The following FBLN1 variants were observed in gnomAD, a reference collection of about 807,000 sequenced individuals.
FBLN1 encodes fibulin-1.
FBLN1 carries 34 observed loss-of-function variants against 89.7 expected under a neutral mutation model. The observed-to-expected ratio is 0.38, with a 90% CI of 0.29 to 0.50. The LOEUF (loss-of-function observed/expected upper bound fraction) is 0.50. Ranked by LOEUF, FBLN1 falls within the 20% of genes least tolerant of loss-of-function variation. The pLI, the probability that FBLN1 is intolerant of heterozygous loss-of-function variation, is 0.92. For synonymous variants in FBLN1, 393 were observed against 391.3 expected (o/e 1.00, Z -0.05); for missense variants, 777 against 988.1 (o/e 0.79, Z 2.86).
chr22:45,516,146 A>G (rs1907546499), intron 1 of FBLN1, among the ~76,000 whole-genome samples: 1 of 152,114 alleles, frequency 6.6e-6, no homozygotes, highest in South Asian at 2.1e-4. Context: ...GTGACAGGGC[A>G]TGGGAGGTGG....
At position 45,531,258 on chromosome 22, in the gene FBLN1, C is replaced by T. The variant is rs755084707; in HGVS notation, c.485-7C>T. 64 of 1,613,402 alleles carry T rather than the reference C, an allele frequency of 4.0e-5. No homozygotes were observed. The highest frequency in any genetic ancestry group is 4.6e-5 in the Non-Finnish European group (54 of 1,179,552). On this transcript the variant is annotated splice_polypyrimidine_tract_variant and splice_region_variant and intron_variant, in intron 4 of 16. Coordinates refer to ENST00000327858, the MANE Select transcript of FBLN1 (RefSeq NM_006486.3). The surrounding 1 kb of genome is among the most constrained non-coding windows in gnomAD (Gnocchi z 4.9). ...TAAATGTCTGACTTGGTCTTTTTCC[C>T]CCTTAGATAAGATCATTGAGGTTGA...
At chr22:45,512,894 A>T (rs2088120448) in intron 1 of FBLN1, among the ~76,000 whole-genome samples, 1 of 152,144 alleles carries the variant, frequency 6.6e-6, no homozygotes, top group South Asian at 2.1e-4. Flanking sequence ...AAGTGCTAGG[A>T]TCATAGGCTT....
At chr22:45,510,865 C>G (rs989851503) in intron 1 of FBLN1, among the ~76,000 whole-genome samples, 2 of 152,080 alleles carry the variant, frequency 1.3e-5, no homozygotes. Context: ...AGCAGCTGTC[C>G]CAGGCAACAA....
chr22:45,595,317 G>A (rs901131165), intron 16 of FBLN1, among the ~76,000 whole-genome samples: 2 of 152,306 alleles, frequency 1.3e-5, no homozygotes, highest in East Asian at 3.9e-4. Flanking sequence ...AGGAAGGGGT[G>A]CACATTCCTT....
chr22:45,564,946 T>A, intron 14 of FBLN1: 1 of 1,614,038 alleles, frequency 6.2e-7, no homozygotes, highest in East Asian at 2.2e-5. Flanking sequence ...GACTGCAGGG[T>A]TCTTCCATGG....
chr22:45,543,534 TG>T lies in FBLN1; in HGVS notation c.1321+12del, dbSNP rs773192652. The T allele has an allele frequency of 4.3e-6, 7 of 1,612,084 alleles. No homozygotes were observed. In the Admixed American group the frequency reaches 1.2e-4, roughly 27 times the overall value. ...ATGGCAGGTCATGTGAAGGTGAGGC[TG>T]GGGCCCCGTCCACTCACCTCCCCCA... On this transcript the variant is annotated intron_variant, in intron 11 of 16. Transcript: ENST00000327858.
At chr22:45,571,775 A>C (rs1254772070) in intron 14 of FBLN1, among the ~76,000 whole-genome samples, 1 of 152,198 alleles carries the variant, frequency 6.6e-6, no homozygotes, top group Admixed American at 6.5e-5. Context: ...AACAATGACC[A>C]ACCCCCTAGC....
chr22:45,571,002 T>C (rs1232357901), intron 14 of FBLN1, among the ~76,000 whole-genome samples: 3 of 150,904 alleles, frequency 2.0e-5, no homozygotes, highest in African/African-American at 7.3e-5. Flanking sequence ...ACGTCTGTAA[T>C]CTCAGCTGCT....
At position 45,576,252 on chromosome 22, in the gene FBLN1, C is replaced by T. The variant is rs1317232040; in HGVS notation, c.1841-725C>T. On this transcript the variant is annotated intron_variant, in intron 15 of 16. Transcript: ENST00000327858. The surrounding 1 kb of genome is among the most constrained non-coding windows in gnomAD (Gnocchi z 5.2). ...ACCACATACAAATCCTTCCCAAATC[C>T]CCAGTGGCTGGTTTTGTGGCCTCTC... Among the ~76,000 whole-genome samples, 2 of 152,202 alleles carry T rather than the reference C, an allele frequency of 1.3e-5. No homozygotes were observed. Among genetic ancestry groups the T allele is most frequent in the Non-Finnish European group, 2.9e-5 (2 of 68,038 alleles).
chr22:45,558,042 C>T, intron 14 of FBLN1: 1 of 715,858 alleles, frequency 1.4e-6, no homozygotes, highest in Non-Finnish European at 2.6e-6. Context: ...ATCTGTGAAC[C>T]AGGCCCTAGT....
At chr22:45,568,695 C>T (rs1438385841) in intron 14 of FBLN1, among the ~76,000 whole-genome samples, 1 of 55,610 alleles carries the variant, frequency 1.8e-5, no homozygotes, top group Admixed American at 1.7e-4. Context: ...GGGGAATGCT[C>T]CTTCTGTAGG....
rs1436809518 is a variant in FBLN1, at chr22:45,574,800, G to A, written c.1840+147G>A. 6.5e-6 allele frequency: 3 copies of A among 461,054 alleles called. No homozygotes were observed. In the East Asian group the frequency reaches 1.2e-4, roughly 19 times the overall value. The allele number at this position is 461,054 out of a possible 1,614,324, so 28.6% of individuals were successfully genotyped here. A position where few individuals can be genotyped will look rare whatever the true frequency, so the allele number is the denominator to read the frequency against. On this transcript the variant is annotated intron_variant, in intron 15 of 16. Coordinates refer to ENST00000327858, the MANE Select transcript of FBLN1 (RefSeq NM_006486.3). The surrounding 1 kb of genome is among the most constrained non-coding windows in gnomAD (Gnocchi z 4.1). ...TTCTTTTTTTTTTTTTTTTTTTTTT[G>A]AGACGGAGTCTCGCTCTGTCGCCCG...
At chr22:45,565,468 A>G (rs1338081325) in intron 14 of FBLN1, 3 of 378,402 alleles carry the variant, frequency 7.9e-6, no homozygotes, top group African/African-American at 4.2e-5. Flanking sequence ...CTCCTTGCAG[A>G]CTTGGCTCAG....
chr22:45,526,192 G>A (rs865965364), intron 3 of FBLN1, among the ~76,000 whole-genome samples: 1 of 152,198 alleles, frequency 6.6e-6, no homozygotes, highest in Non-Finnish European at 1.5e-5. Context: ...CCTCCAAAAT[G>A]GCCTCTCTGC....
chr22:45,547,251 G>C, intron 12 of FBLN1, 47 bp downstream of exon 12: 4 of 1,609,260 alleles, frequency 2.5e-6, no homozygotes, highest in Non-Finnish European at 3.4e-6. Context: ...CCCTGGTCTT[G>C]CCATGACACA....
chr22:45,565,451 T>C, intron 14 of FBLN1: 1 of 403,706 alleles, frequency 2.5e-6, no homozygotes, highest in Non-Finnish European at 4.4e-6. Flanking sequence ...CCCTGCAGAC[T>C]GCCATTCTCC....
At position 45,532,896 on chromosome 22, in the gene FBLN1, G is replaced by A. The variant is rs2088428205; in HGVS notation, c.545-167G>A. The A allele has an allele frequency of 1.5e-6, 1 of 664,570 alleles. No homozygotes were observed. Among genetic ancestry groups the A allele is most frequent in the Non-Finnish European group, 2.7e-6 (1 of 370,280 alleles). 41.2% of individuals were successfully genotyped at this position (664,570 alleles called of 1,614,324 possible). On this transcript the variant is annotated intron_variant, in intron 5 of 16. Coordinates refer to ENST00000327858, the MANE Select transcript of FBLN1 (RefSeq NM_006486.3). This position sits in a 1 kb window ranked among gnomAD's most constrained non-coding sequence, Gnocchi z 4.2. The stretch of plus-strand genomic sequence containing the variant: ...CCCCTGGGGGGTGTCCAGAGCCAGA[G>A]CCTGGGGGTCTCCCAGTAGGGCAGC...
In FBLN1 at chr22:45,533,829, T is replaced by G; in HGVS notation, c.715T>G (p.Ser239Ala). ...LGESCINTVGSFRCQRDSSCG... is the reference protein window; with the variant it reads ...LGESCINTVGAFRCQRDSSCG... ...AGAATCCTGCATCAACACAGTGGGC[T>G]CTTTCCGCTGCCAGCGGGACAGCAG... is the stretch of plus-strand genomic sequence containing the variant. Residue 239 changes from serine to alanine, a missense_variant, in exon 7 of 17, where the codon TCT becomes GCT. Transcript: ENST00000327858. 6.2e-7 allele frequency: 1 copy of G among 1,614,060 alleles called. No homozygotes were observed. The highest frequency in any genetic ancestry group is 8.5e-7 in the Non-Finnish European group (1 of 1,180,034).
rs184740234 is a variant in FBLN1 at position 45,580,275 on chromosome 22, C to T, written c.1972+3167C>T. Among the ~76,000 whole-genome samples, 1 of 152,262 alleles carries T rather than the reference C, an allele frequency of 6.6e-6. No individual in the cohort carries two copies. Among genetic ancestry groups the T allele is most frequent in the Non-Finnish European group, 1.5e-5 (1 of 68,022 alleles). On this transcript the variant is annotated intron_variant, in intron 16 of 16. Transcript: ENST00000327858. The surrounding 1 kb of genome is among the most constrained non-coding windows in gnomAD (Gnocchi z 8.6). ...TGCTCCTGGTGGGGAGCGTGGGAGG[C>T]TCTTGAGCCTCCTGGGCAGCCCCGT...
Sources: allele counts gnomAD v4.1 joint callset (sites outside exome capture counted in the v4.1 genomes callset), GRCh38; gene constraint gnomAD v4.1.1; non-coding constraint Gnocchi (gnomAD v3.1); transcripts MANE v1.5; gene names NCBI Gene and HGNC (gene_info 2026-07-23, HGNC 2026-07-21).